CNN2: variants seen among roughly 807,000 people sequenced by gnomAD.
CNN2 encodes the protein calponin-2.
Under a neutral mutation model 31.0 loss-of-function variants are expected in CNN2, and 21 were observed. The observed-to-expected ratio is 0.68, with a 90% confidence interval of 0.48 to 0.98. CNN2 has a LOEUF of 0.98. Among genes scored for constraint, CNN2 ranks in the 50% least tolerant of loss-of-function variants. CNN2 has a pLI of 0.00. For missense variants in CNN2, 399 were observed against 427.3 expected, an observed-to-expected ratio of 0.93 and a Z score of 0.58; for synonymous variants, 165 against 179.6, an observed-to-expected ratio of 0.92 and a Z score of 0.65.
At position 1,032,902 on chromosome 19, in the gene CNN2, C is replaced by G. The variant is rs113211277; in HGVS notation, c.390+206C>G. ...CAAGCGATTCTTCTGCCTCAGTCTC[C>G]CGAGTAGCTGGGATTACAGGCACCT... On this transcript the variant is annotated intron_variant, in intron 4 of 6. Transcript: ENST00000263097. 4.2e-3 allele frequency: 2,082 copies of G among 497,472 alleles called. 10 individuals carry two copies. Among genetic ancestry groups the G allele is most frequent in the Middle Eastern group, 5.7e-3 (10 of 1,748 alleles). The allele number at this position is 497,472 out of a possible 1,614,324, so 30.8% of individuals were successfully genotyped here.
Position 1,037,928 on chromosome 19 carries a change from C to T in CNN2, c.*28C>T, listed in dbSNP as rs75404401. 4 of 1,401,642 alleles carry T rather than the reference C, an allele frequency of 2.9e-6. No homozygotes were observed. The highest frequency in any genetic ancestry group is 2.9e-5 in the Admixed American group (1 of 34,706). The allele number at this position is 1,401,642 out of a possible 1,614,324, so 86.8% of individuals were successfully genotyped here. Reference sequence around the variant, plus strand: ...CTCCCAGCACGCTCTCTCCCCACATCGTCTGCCCATCTGGGTTTTTGGGTT... The same window carrying T: ...CTCCCAGCACGCTCTCTCCCCACATTGTCTGCCCATCTGGGTTTTTGGGTT... On this transcript the variant is annotated 3_prime_UTR_variant, in exon 7 of 7. Transcript: ENST00000263097.
intron 4 of CNN2, among the ~76,000 whole-genome samples, chr19:1,033,393 C>G (rs916961880): frequency 1.3e-5 from 2 of 152,004 alleles, no homozygotes; most frequent in African/African-American, 2.4e-5. Context: ...TGGTGCATGC[C>G]TGTAATCCCA....
chr19:1,032,238 A>G (rs1413455353), intron 2 of CNN2, among the ~76,000 whole-genome samples, 154 bp from the exon 3 acceptor site: 1 of 149,060 alleles, frequency 6.7e-6, no homozygotes, highest in East Asian at 2.0e-4. Context: ...CCGTCTCAAA[A>G]AAAAAAAAAA....
chr19:1,031,294 T>C (rs2039488610), intron 2 of CNN2, 102 bp downstream of exon 2: 5 of 860,440 alleles, frequency 5.8e-6, no homozygotes, highest in African/African-American at 2.1e-5. Context: ...GGGCATGGCC[T>C]GGCTCATGCC....
intron 3 of CNN2, 27 bp from the exon 4 acceptor site, chr19:1,032,532 C>G: frequency 6.2e-7 from 1 of 1,613,456 alleles, no homozygotes; most frequent in East Asian, 2.2e-5. Context: ...GAGGCCCACT[C>G]ACTGTCCCTC....
chr19:1,031,985 T>C (rs1051999173), intron 2 of CNN2, among the ~76,000 whole-genome samples: 2 of 151,784 alleles, frequency 1.3e-5, no homozygotes, highest in Non-Finnish European at 2.9e-5. Context: ...ATCCCAGCAC[T>C]TTGGGAGGTT....
rs748079931 is a variant in CNN2 at position 1,036,525 on chromosome 19, T to C, written c.617T>C (p.Ile206Thr). ...CTGCCCCCCATGGACCACTCGACCA[T>C]CAGCCTCCAGATGGGCACGAACAAG... The part of the protein sequence containing the change: ...HILPPMDHST[I>T]SLQMGTNKCA... The change falls in exon 6 of 7, where the codon ATC (isoleucine) becomes ACC (threonine). Residue 206 changes from isoleucine (I) to threonine (T), a missense_variant. Ile to Thr is a moderately conservative substitution (Grantham distance 89, BLOSUM62 -1). Transcript: ENST00000263097. 53 of 1,613,438 alleles carry C rather than the reference T, an allele frequency of 3.3e-5. No homozygotes were observed. Among genetic ancestry groups the C allele is most frequent in the Non-Finnish European group, 4.4e-5 (52 of 1,179,700 alleles).
intron 1 of CNN2, chr19:1,027,155 T>A (rs1347661653): frequency 6.1e-6 from 1 of 164,036 alleles, no homozygotes; most frequent in Non-Finnish European, 1.3e-5. Context: ...TTGGGGCCTC[T>A]TAGCTTTGGG....
intron 4 of CNN2, among the ~76,000 whole-genome samples, chr19:1,035,752 T>A (rs946278062): frequency 6.6e-6 from 1 of 151,958 alleles, no homozygotes; most frequent in Non-Finnish European, 1.5e-5. Flanking sequence ...TGAAACCCCG[T>A]CTCTACTAAA....
In CNN2 at chr19:1,037,745, G is replaced by A. The variant is rs756697104; in HGVS notation, c.775G>A (p.Gly259Ser). Residue 259 changes from glycine (G) to serine (S), a missense_variant, in exon 7 of 7, where the codon GGC becomes AGC. Gly to Ser is a moderately conservative substitution (Grantham distance 56). Coordinates refer to ENST00000263097, the MANE Select transcript of CNN2 (RefSeq NM_004368.4). ...CTACACGCAGGGCGCCAACCAGAGC[G>A]GCCAGGTCTTCGGCCTGGGCCGGCA... ...MGYTQGANQS[G>S]QVFGLGRQIY... The A allele has an allele frequency of 3.8e-5, 62 of 1,611,608 alleles. No homozygotes were observed. Among genetic ancestry groups the A allele is most frequent in the Admixed American group, 1.0e-4 (6 of 60,014 alleles).
In CNN2 at chr19:1,038,236, T is replaced by G; in HGVS notation, c.*336T>G. ...CGACGGTTTCTGCTTGCCTCGCCTC[T>G]TCCCCCTTTTGTCAGCTGAGCAGTT... is the stretch of plus-strand genomic sequence containing the variant. On this transcript the variant is annotated 3_prime_UTR_variant, in exon 7 of 7. Coordinates refer to ENST00000263097, the MANE Select transcript of CNN2 (RefSeq NM_004368.4). 7.3e-6 allele frequency: 2 copies of G among 272,618 alleles called. No homozygotes were observed. The highest frequency in any genetic ancestry group is 6.9e-6 in the Non-Finnish European group (1 of 144,782). 16.9% of individuals were successfully genotyped at this position (272,618 alleles called of 1,614,324 possible).
At chr19:1,030,184 C>T (rs1389642016) in intron 1 of CNN2, among the ~76,000 whole-genome samples, 1 of 152,194 alleles carries the variant, frequency 6.6e-6, no homozygotes, top group Non-Finnish European at 1.5e-5. Context: ...GCACACAGCC[C>T]ATTCCCCACG....
At position 1,026,694 on chromosome 19, in the gene CNN2, G is replaced by T. The variant is rs1325146513; in HGVS notation, c.33G>T (p.Ser11=). 2 of 1,548,334 alleles carry T rather than the reference G, an allele frequency of 1.3e-6. No individual in the cohort carries two copies. The highest frequency in any genetic ancestry group is 1.7e-6 in the Non-Finnish European group (2 of 1,146,676). The change falls in exon 1 of 7, where the codon TCG becomes TCT. Residue 11 remains serine (S), a synonymous_variant. Coordinates refer to ENST00000263097, the MANE Select transcript of CNN2 (RefSeq NM_004368.4). The stretch of plus-strand genomic sequence containing the variant: ...CCACGCAGTTCAACAAGGGCCCCTC[G>T]TACGGGCTGTCGGCCGAGGTCAAGA... MSSTQFNKGP[S]YGLSAEVKNR...
intron 6 of CNN2, chr19:1,036,874 G>T: frequency 2.4e-6 from 1 of 414,096 alleles, no homozygotes; most frequent in Non-Finnish European, 4.5e-6. Context: ...TTTATTTTGA[G>T]ATAGGATCTC....
intron 1 of CNN2, 117 bp downstream of exon 1, chr19:1,026,841 C>A: frequency 1.0e-6 from 1 of 985,028 alleles, no homozygotes; most frequent in Non-Finnish European, 1.4e-6. Flanking sequence ...AGACCCGGGG[C>A]GGACGGGCCC....
rs995917006 is a variant in CNN2 at position 1,038,747 on chromosome 19, T to A, written c.*847T>A. The A allele has an allele frequency of 6.6e-6, 1 of 152,240 alleles. No homozygotes were observed. Among genetic ancestry groups the A allele is most frequent in the African/African-American group, 2.4e-5 (1 of 41,424 alleles). 9.4% of individuals were successfully genotyped at this position (152,240 alleles called of 1,614,324 possible). ...CCACCACGCCCGGCTAATTTTTGTA[T>A]TTTTAGTAGAGATGGGGTTTCCCCA... On this transcript the variant is annotated 3_prime_UTR_variant, in exon 7 of 7. Coordinates refer to ENST00000263097, the MANE Select transcript of CNN2 (RefSeq NM_004368.4).
intron 6 of CNN2, 121 bp downstream of exon 6, chr19:1,036,683 G>A (rs762857851): frequency 4.2e-4 from 517 of 1,240,092 alleles, no homozygotes; most frequent in Non-Finnish European, 5.7e-4. Context: ...CCCTTCCCTA[G>A]ACCACCTCCG....
chr19:1,027,235 C>T (rs1354948358), intron 1 of CNN2, among the ~76,000 whole-genome samples: 2 of 152,238 alleles, frequency 1.3e-5, no homozygotes, highest in Non-Finnish European at 2.9e-5. Context: ...TTCCTGGCCT[C>T]TGGGACACCT....
intron 1 of CNN2, chr19:1,026,963 C>T (rs980140800): frequency 2.2e-5 from 11 of 491,186 alleles, no homozygotes; most frequent in East Asian, 7.7e-5. Flanking sequence ...CCCATTCCCC[C>T]CCCCAACATC....
Sources: allele counts gnomAD v4.1 joint callset (sites outside exome capture counted in the v4.1 genomes callset), GRCh38; gene constraint gnomAD v4.1.1; transcripts MANE v1.5; gene names NCBI Gene and HGNC (gene_info 2026-07-23, HGNC 2026-07-21).